The following ATP7A variants were observed in gnomAD, a reference collection of about 807,000 sequenced individuals.
The protein encoded by ATP7A is copper-transporting ATPase 1.
A neutral mutation model predicts 83.5 loss-of-function variants in ATP7A; 7 were observed. That is an observed-to-expected ratio of 0.08 (90% CI 0.05 to 0.16). The LOEUF (loss-of-function observed/expected upper bound fraction) is 0.16, where lower values mean the gene tolerates loss of function less well. Among genes scored for constraint, ATP7A ranks in the 10% least tolerant of loss-of-function variants. The probability of loss-of-function intolerance (pLI) is 1.00; values close to 1 mark genes in which losing one functional copy is unlikely to be tolerated. For missense variants in ATP7A, 940 were observed against 1,120.8 expected (o/e 0.84, Z 2.30); for synonymous variants, 354 against 395.2 (o/e 0.90, Z 1.24).
intron 20 of ATP7A, among the ~76,000 whole-genome samples, 190 bp downstream of exon 20, chrX:78,042,978 C>T (rs2078059490): frequency 8.9e-6 from 1 of 112,035 alleles, no homozygotes; most frequent in Non-Finnish European, 1.9e-5. Flanking sequence ...CAACCCAGCT[C>T]ATAAGCAAGT....
intron 1 of ATP7A, among the ~76,000 whole-genome samples, chrX:77,926,312 A>G (rs1190927048): frequency 3.6e-5 from 4 of 112,234 alleles, no homozygotes; most frequent in Admixed American, 9.5e-5. Context: ...TAAATGGTCA[A>G]TGTAAAAACA....
In ATP7A at chrX:78,012,992, G is replaced by C; in HGVS notation, c.2286G>C (p.Leu762Phe). Residue 762 changes from leucine to phenylalanine, a missense_variant, in exon 10 of 23, where the codon TTG becomes TTC. Coordinates refer to ENST00000341514, the MANE Select transcript of ATP7A (RefSeq NM_000052.7). ...CCACCATTGCATTTGCCTACTCTTT[G>C]ATTATTCTTCTAGTTGCAATGTATG... ...LATTIAFAYS[L>F]IILLVAMYER... is the part of the protein sequence containing the mutation. 2.5e-6 allele frequency: 3 copies of C among 1,210,709 alleles called. No individual in the cohort carries two copies. The highest frequency in any genetic ancestry group is 3.4e-6 in the Non-Finnish European group (3 of 894,775).
intron 2 of ATP7A, chrX:77,974,858 A>G (rs1048681921): frequency 1.0e-5 from 3 of 292,445 alleles, no homozygotes; most frequent in African/African-American, 8.2e-5. Flanking sequence ...AAAATTTCAA[A>G]CATACACAAA....
At chrX:78,004,214 A>G (rs1030866817) in intron 6 of ATP7A, among the ~76,000 whole-genome samples, 2 of 110,433 alleles carry the variant, frequency 1.8e-5, no homozygotes, top group Non-Finnish European at 3.8e-5. Flanking sequence ...TAAAAAATGC[A>G]AAACTACATG....
rs1557234945 is a variant in ATP7A at position 78,014,728 on chromosome X, C to T, written c.2473C>T (p.Leu825Phe). The change falls in exon 11 of 23, where the codon CTT becomes TTT. Residue 825 changes from leucine (L) to phenylalanine (F), a missense_variant. By Grantham distance (22) the Leu-to-Phe change is conservative (BLOSUM62 0). Coordinates refer to ENST00000341514, the MANE Select transcript of ATP7A (RefSeq NM_000052.7). ...AGCTACAGAAGCAACTATTGTAACTCTTGATTCTGATAATATCCTCCTCAG... is the reference window on the plus strand; with the variant it reads ...AGCTACAGAAGCAACTATTGTAACTTTTGATTCTGATAATATCCTCCTCAG... The part of the protein sequence containing the change: ...LQATEATIVT[L>F]DSDNILLSEE... 1 of 1,203,447 alleles carries T rather than the reference C, an allele frequency of 8.3e-7. No individual in the cohort carries two copies. Among genetic ancestry groups the T allele is most frequent in the East Asian group, 3.0e-5 (1 of 33,642 alleles).
intron 1 of ATP7A, among the ~76,000 whole-genome samples, chrX:77,948,683 A>G (rs1469197217): frequency 2.7e-5 from 3 of 111,121 alleles, no homozygotes; most frequent in Non-Finnish European, 5.7e-5. Flanking sequence ...GATGGGAAGA[A>G]CAAAGTGGAC....
At chrX:77,962,596 T>C (rs1557228178) in intron 1 of ATP7A, 2 of 356,519 alleles carry the variant, frequency 5.6e-6, no homozygotes. Flanking sequence ...ACAGCCCTAC[T>C]TCCTCTCTCT....
intron 1 of ATP7A, among the ~76,000 whole-genome samples, chrX:77,951,997 T>A (rs2077416102): frequency 8.9e-6 from 1 of 112,239 alleles, no homozygotes; most frequent in African/African-American, 3.2e-5. Flanking sequence ...AATGCACATA[T>A]AAGTTTCCTC....
chrX:77,980,694 G>T (rs1284611915), intron 2 of ATP7A, among the ~76,000 whole-genome samples: 1 of 110,550 alleles, frequency 9.0e-6, no homozygotes, highest in Non-Finnish European at 1.9e-5. Context: ...TTGAGATGGA[G>T]TCTCGCTCTT....
In ATP7A at chrX:77,913,420, G is replaced by A. The variant is rs368242407; in HGVS notation, c.-22+2585G>A. 5.6e-4 allele frequency among the ~76,000 whole-genome samples: 62 copies of A among 111,384 alleles called. No homozygotes were observed. In the East Asian group the frequency reaches 0.015, roughly 26 times the overall value. On this transcript the variant is annotated intron_variant, in intron 1 of 22. Transcript: ENST00000341514. ...ATGGGGCCGGGGCAAGGGGGAGGCT[G>A]GGGGACAGATGAGTGATAGGCAATG...
At chrX:77,987,444 T>TTGTG (rs3986431) in intron 2 of ATP7A, among the ~76,000 whole-genome samples, 20,499 of 85,554 alleles carry the variant, frequency 0.24, 2,581 homozygotes, top group African/African-American at 0.42. Context: ...AACCCAGTAT[T>TTGTG]TGTGTGTGTG....
chrX:78,025,795 GA>G (rs1170740702), intron 14 of ATP7A, among the ~76,000 whole-genome samples: 11 of 105,882 alleles, frequency 1.0e-4, no homozygotes, highest in African/African-American at 3.1e-4. Context: ...TTTCCCTAAA[GA>G]AAAAAAAAAC....
chrX:78,005,539 C>T (rs1443880912), intron 6 of ATP7A, among the ~76,000 whole-genome samples: 5 of 107,852 alleles, frequency 4.6e-5, no homozygotes, highest in South Asian at 8.1e-4. Flanking sequence ...AAAAATTAGC[C>T]GGGCGTGGTG....
At chrX:78,009,425 T>A in intron 7 of ATP7A, 162 bp downstream of exon 7, 1 of 267,475 alleles carries the variant, frequency 3.7e-6, no homozygotes, top group Non-Finnish European at 6.2e-6. Flanking sequence ...CGTGTCTGCA[T>A]TTTTTTTTTT....
At chrX:77,976,610 GT>G (rs2077577953) in intron 2 of ATP7A, among the ~76,000 whole-genome samples, 1 of 111,844 alleles carries the variant, frequency 8.9e-6, no homozygotes, top group Non-Finnish European at 1.9e-5. Context: ...ATCTGAAACT[GT>G]AGGTGATTTT....
At chrX:78,021,114 G>T in intron 14 of ATP7A, 35 bp downstream of exon 14, 1 of 1,167,695 alleles carries the variant, frequency 8.6e-7, no homozygotes, top group South Asian at 1.8e-5. Context: ...ACTATATGCA[G>T]AACAATTTGT....
At chrX:78,030,880 G>A (rs782084885) in intron 15 of ATP7A, among the ~76,000 whole-genome samples, 2 of 108,883 alleles carry the variant, frequency 1.8e-5, no homozygotes, top group South Asian at 8.1e-4. Flanking sequence ...TAGTAGAGAC[G>A]GGGTTTCACC....
At chrX:77,963,050 C>G (rs978900112) in intron 1 of ATP7A, 3 of 205,848 alleles carry the variant, frequency 1.5e-5, no homozygotes, top group Non-Finnish European at 2.7e-5. Flanking sequence ...TTTGTAAAAG[C>G]AGAATACTGA....
intron 1 of ATP7A, among the ~76,000 whole-genome samples, chrX:77,915,551 C>T (rs2077180747): frequency 9.0e-6 from 1 of 110,685 alleles, no homozygotes; most frequent in South Asian, 3.8e-4. Context: ...AGTAAACATA[C>T]AATAAAATGT....
Sources: gnomAD v4.1 joint callset for allele counts (sites outside exome capture counted in the v4.1 genomes callset) on GRCh38, gnomAD v4.1.1 for gene constraint, MANE v1.5 for transcripts, NCBI Gene and HGNC (gene_info 2026-07-23, HGNC 2026-07-21) for gene names.